The following ATXN1 variants were observed in gnomAD, a reference collection of about 807,000 sequenced individuals.
The protein encoded by ATXN1 is ataxin 1.
A neutral mutation model predicts 56.4 loss-of-function variants in ATXN1; 8 were observed. The observed-to-expected ratio is 0.14, with a 90% CI of 0.08 to 0.26. The LOEUF (loss-of-function observed/expected upper bound fraction) is 0.26. Among genes scored for constraint, ATXN1 ranks in the 10% least tolerant of loss-of-function variants. ATXN1 has a pLI of 1.00. For synonymous variants in ATXN1, 514 were observed against 494.6 expected (o/e 1.04, Z -0.52); for missense variants, 987 against 1,106.5 (o/e 0.89, Z 1.53).
chr6:16,659,853 G>A (rs1389435423), intron 2 of ATXN1, among the ~76,000 whole-genome samples: 1 of 152,060 alleles, frequency 6.6e-6, no homozygotes, highest in East Asian at 1.9e-4. Context: ...TCTGGGAGAG[G>A]CAGAATGGTC....
At chr6:16,466,299 C>T in intron 6 of ATXN1, among the ~76,000 whole-genome samples, 1 of 114,534 alleles carries the variant, frequency 8.7e-6, no homozygotes, top group East Asian at 2.6e-4. Flanking sequence ...GTCTGGGTGA[C>T]AGAGTCAGAC....
In ATXN1 at chr6:16,590,831, G is replaced by C. The variant is rs189447564; in HGVS notation, c.-488-4924C>G. Among the ~76,000 whole-genome samples the C allele has an allele frequency of 6.6e-5, 10 of 151,392 alleles. No homozygotes were observed. In the East Asian group the frequency reaches 1.9e-3, roughly 29 times the overall value. On this transcript the variant is annotated intron_variant, in intron 3 of 7. Coordinates refer to ENST00000436367, the MANE Select transcript of ATXN1 (RefSeq NM_001128164.2). ...ACTACAGGCACACGCCACCATGCCT[G>C]GCTAATTTTTTAATTTTTTTTTTTT...
At chr6:16,361,350 T>C (rs1761804647) in intron 6 of ATXN1, among the ~76,000 whole-genome samples, 1 of 152,216 alleles carries the variant, frequency 6.6e-6, no homozygotes, top group African/African-American at 2.4e-5. Context: ...CCATTTGGTA[T>C]TCATTATTTT....
At chr6:16,544,617 G>A (rs1055505197) in intron 4 of ATXN1, among the ~76,000 whole-genome samples, 9 of 152,156 alleles carry the variant, frequency 5.9e-5, no homozygotes, top group Admixed American at 2.0e-4. Context: ...GCGCGTTGGC[G>A]TGTTATGGCA....
intron 6 of ATXN1, among the ~76,000 whole-genome samples, chr6:16,347,599 A>G (rs899037314): frequency 2.0e-4 from 30 of 152,138 alleles, no homozygotes; most frequent in African/African-American, 6.5e-4. Context: ...GAATGCACCA[A>G]TCCACACTCT....
At chr6:16,640,408 G>A (rs946945200) in intron 3 of ATXN1, among the ~76,000 whole-genome samples, 1 of 152,150 alleles carries the variant, frequency 6.6e-6, no homozygotes, top group Non-Finnish European at 1.5e-5. Context: ...AGTTGGCCAG[G>A]CACGGGGGCT....
intron 2 of ATXN1, among the ~76,000 whole-genome samples, chr6:16,677,275 TG>T (rs1409736730): frequency 1.3e-5 from 2 of 152,198 alleles, no homozygotes. Flanking sequence ...ACGTGTGCTC[TG>T]GGAGAGGGGA....
rs904584203 is a variant in ATXN1 at position 16,462,467 on chromosome 6, A to G, written c.-161+23505T>C. On this transcript the variant is annotated intron_variant, in intron 6 of 7. Transcript: ENST00000436367. ...TTAAAAAGGATAAGTGAAAACCTAC[A>G]TAATCTTTAACACCACTCCTTGCCC... Among the ~76,000 whole-genome samples the G allele has an allele frequency of 7.2e-5, 11 of 152,196 alleles. 1 individual carries two copies. Among genetic ancestry groups the G allele is most frequent in the Admixed American group, 6.5e-4 (10 of 15,276 alleles).
chr6:16,639,472 C>A (rs1763665746), intron 3 of ATXN1, among the ~76,000 whole-genome samples: 1 of 152,194 alleles, frequency 6.6e-6, no homozygotes, highest in Admixed American at 6.5e-5. Context: ...CCCCACCACA[C>A]CCGGCTAATT....
chr6:16,747,252 G>A (rs1760565158), intron 2 of ATXN1, among the ~76,000 whole-genome samples: 1 of 152,118 alleles, frequency 6.6e-6, no homozygotes, highest in South Asian at 2.1e-4. Flanking sequence ...ATATTAACAG[G>A]CCATATAATG....
At chr6:16,494,121 AGTGCAGGGCTGGACTGAGAGGCATCTC>A (rs1760726633) in intron 5 of ATXN1, among the ~76,000 whole-genome samples, 1 of 150,794 alleles carries the variant, frequency 6.6e-6, no homozygotes, top group South Asian at 2.1e-4. Flanking sequence ...AGGCATCTCC[AGTGCAGGGCTGGACTGAGAGGCATCTC>A]CAGTGCAGGG....
intron 3 of ATXN1, among the ~76,000 whole-genome samples, chr6:16,601,286 C>T (rs933871925): frequency 2.0e-5 from 3 of 152,188 alleles, no homozygotes; most frequent in Non-Finnish European, 4.4e-5. Context: ...ATTTAGCCTA[C>T]ATCAAAAGCT....
In ATXN1 at chr6:16,326,642, C is replaced by T; in HGVS notation, c.1669G>A (p.Val557Met). 1 of 1,613,802 alleles carries T rather than the reference C, an allele frequency of 6.2e-7. No individual in the cohort carries two copies. The highest frequency in any genetic ancestry group is 1.1e-5 in the South Asian group (1 of 91,082). Residue 557 changes from valine (V) to methionine (M), a missense_variant, in exon 7 of 8, where the codon GTG becomes ATG. Val to Met is a conservative substitution (Grantham distance 21). Transcript: ENST00000436367. This position sits in a 1 kb window ranked among gnomAD's most constrained non-coding sequence, Gnocchi z 6.6. ...GCCGCCGGGGAGGCCACGGACTGCA[C>T]CACAGGCAGGTGGATCTGGGCCTGC... ...MVQAQIHLPVVQSVASPAAAP... is the reference protein window; with the variant it reads ...MVQAQIHLPVMQSVASPAAAP...
Position 16,694,033 on chromosome 6 carries a change from A to G in ATXN1, c.-614-36132T>C, listed in dbSNP as rs571525981. On this transcript the variant is annotated intron_variant, in intron 2 of 7. Coordinates refer to ENST00000436367, the MANE Select transcript of ATXN1 (RefSeq NM_001128164.2). ...AAGTCAAAACTTGAAACAATGAAAA[A>G]TTTAATCTACCTAAGATGCCTACAT... 1.3e-5 allele frequency among the ~76,000 whole-genome samples: 2 copies of G among 152,222 alleles called. 1 individual carries two copies. The highest frequency in any genetic ancestry group is 1.3e-4 in the Admixed American group (2 of 15,274).
intron 6 of ATXN1, among the ~76,000 whole-genome samples, chr6:16,461,259 A>G (rs1759988322): frequency 6.6e-6 from 1 of 152,226 alleles, no homozygotes; most frequent in Admixed American, 6.5e-5. Flanking sequence ...ACGGGGGCAT[A>G]GTTTTCTCCC....
intron 5 of ATXN1, among the ~76,000 whole-genome samples, chr6:16,508,698 T>C (rs753978597): frequency 6.6e-6 from 1 of 152,198 alleles, no homozygotes; most frequent in Non-Finnish European, 1.5e-5. Context: ...GCAGCCACTG[T>C]GGAAAACGAT....
chr6:16,683,360 T>C (rs1207734645), intron 2 of ATXN1, among the ~76,000 whole-genome samples: 2 of 152,218 alleles, frequency 1.3e-5, no homozygotes, highest in African/African-American at 4.8e-5. Context: ...CAAAACTAAC[T>C]GTGGCTGTTA....
At chr6:16,596,864 A>C (rs1762824306) in intron 3 of ATXN1, among the ~76,000 whole-genome samples, 1 of 152,196 alleles carries the variant, frequency 6.6e-6, no homozygotes, top group African/African-American at 2.4e-5. Context: ...CTCAGCATTT[A>C]CTATAAGATC....
At chr6:16,449,976 CT>C in intron 6 of ATXN1, among the ~76,000 whole-genome samples, 1 of 152,324 alleles carries the variant, frequency 6.6e-6, no homozygotes, top group Non-Finnish European at 1.5e-5. Context: ...GTTCTTTCTT[CT>C]TGATTTTATA....
Sources: allele counts gnomAD v4.1 joint callset (sites outside exome capture counted in the v4.1 genomes callset), GRCh38; gene constraint gnomAD v4.1.1; non-coding constraint Gnocchi (gnomAD v3.1); transcripts MANE v1.5; gene names NCBI Gene and HGNC (gene_info 2026-07-23, HGNC 2026-07-21).